SPIN1: variants seen among roughly 807,000 people sequenced by gnomAD.
The protein encoded by SPIN1 is spindlin 1.
Under a neutral mutation model 26.0 loss-of-function variants are expected in SPIN1, and 3 were observed. That is an observed-to-expected ratio of 0.12 (90% CI 0.05 to 0.30). SPIN1 has a LOEUF of 0.30. Among genes scored for constraint, SPIN1 ranks in the 10% least tolerant of loss-of-function variants. The probability of loss-of-function intolerance (pLI) is 1.00; values close to 1 mark genes in which losing one functional copy is unlikely to be tolerated. For missense variants in SPIN1, 126 were observed against 333.4 expected, an observed-to-expected ratio of 0.38 and a Z score of 4.84; for synonymous variants, 101 against 116.5, an observed-to-expected ratio of 0.87 and a Z score of 0.86.
At position 88,439,504 on chromosome 9, in the gene SPIN1, A is replaced by G. The variant is rs192270849; in HGVS notation, c.53-9437A>G. Among the ~76,000 whole-genome samples, 3 of 152,350 alleles carry G rather than the reference A, an allele frequency of 2.0e-5. No homozygotes were observed. In the East Asian group the frequency reaches 5.8e-4, roughly 29 times the overall value. ...AATTTTGTGTTTAAACTTGGGTCCC[A>G]TTCCCAAGATACCTCATTTTATACG... On this transcript the variant is annotated intron_variant, in intron 2 of 5. Transcript: ENST00000375859.
rs367969599 is a variant in SPIN1 at position 88,420,544 on chromosome 9, C to A, written c.-158-5838C>A. Among the ~76,000 whole-genome samples the A allele has an allele frequency of 1.3e-3, 192 of 152,328 alleles. 5 individuals are homozygous for A. In the South Asian group the frequency reaches 0.036, roughly 29 times the overall value. ...GAAAACAAATTTAACAGGATTGCCACATTTTCCATACAAGGTTGGTTTATG... is the reference window on the plus strand; with the variant it reads ...GAAAACAAATTTAACAGGATTGCCAAATTTTCCATACAAGGTTGGTTTATG... On this transcript the variant is annotated intron_variant, in intron 1 of 5. Coordinates refer to ENST00000375859, the MANE Select transcript of SPIN1 (RefSeq NM_006717.3).
intron 2 of SPIN1, among the ~76,000 whole-genome samples, chr9:88,431,086 T>C (rs1827859343): frequency 6.6e-6 from 1 of 152,036 alleles, no homozygotes; most frequent in Non-Finnish European, 1.5e-5. Context: ...GGTTTTTCCA[T>C]GTTGGTCAGG....
chr9:88,464,539 T>A (rs1298582645), intron 4 of SPIN1, among the ~76,000 whole-genome samples: 3 of 152,198 alleles, frequency 2.0e-5, no homozygotes, highest in African/African-American at 7.2e-5. Flanking sequence ...TTCAGGAGAT[T>A]TGCAAGGTCA....
At chr9:88,458,800 G>A (rs1828523574) in intron 3 of SPIN1, among the ~76,000 whole-genome samples, 1 of 152,156 alleles carries the variant, frequency 6.6e-6, no homozygotes, top group Non-Finnish European at 1.5e-5. Flanking sequence ...GGGAAGAGTT[G>A]AAGCTGCAGC....
At position 88,409,686 on chromosome 9, in the gene SPIN1, A is replaced by T. The variant is rs181841863; in HGVS notation, c.-158-16696A>T. Among the ~76,000 whole-genome samples, 80 of 152,062 alleles carry T rather than the reference A, an allele frequency of 5.3e-4. No individual in the cohort carries two copies. In the East Asian group the frequency reaches 0.015, roughly 29 times the overall value. The stretch of plus-strand genomic sequence containing the variant: ...CTGTCTCTACTAAAATACAAAAAAA[A>T]AATTAGCTGGGCATGGTGGCGGGCA... On this transcript the variant is annotated intron_variant, in intron 1 of 5. Transcript: ENST00000375859.
At chr9:88,411,816 A>C (rs193097812) in intron 1 of SPIN1, among the ~76,000 whole-genome samples, 3 of 151,964 alleles carry the variant, frequency 2.0e-5, no homozygotes, top group Non-Finnish European at 4.4e-5. Context: ...TGCCTGGCCT[A>C]TTTTCAACTT....
chr9:88,394,708 GA>G (rs1827014299), intron 1 of SPIN1, among the ~76,000 whole-genome samples: 1 of 151,668 alleles, frequency 6.6e-6, no homozygotes, highest in African/African-American at 2.4e-5. Flanking sequence ...AAGGCCATTT[GA>G]AAAGATTTTC....
intron 2 of SPIN1, among the ~76,000 whole-genome samples, chr9:88,435,741 C>G (rs573984677): frequency 6.6e-6 from 1 of 152,112 alleles, no homozygotes; most frequent in South Asian, 2.1e-4. Flanking sequence ...TCTTACACTT[C>G]TGTTGTGTGG....
chr9:88,449,581 C>G (rs893108754), intron 3 of SPIN1, among the ~76,000 whole-genome samples: 5 of 151,830 alleles, frequency 3.3e-5, no homozygotes, highest in African/African-American at 1.2e-4. Context: ...ACTTTTTTCC[C>G]TAATTTTTTT....
rs1827765871 is a variant in SPIN1 at position 88,426,378 on chromosome 9, A to G, written c.-158-4A>G. ...TAGTAATGAACTGTTTCACTATTTT[A>G]CAGAGTGCTTGTGATTTCACGTATT... On this transcript the variant is annotated splice_polypyrimidine_tract_variant and splice_region_variant and intron_variant, in intron 1 of 5. Coordinates refer to ENST00000375859, the MANE Select transcript of SPIN1 (RefSeq NM_006717.3). 1 of 553,940 alleles carries G rather than the reference A, an allele frequency of 1.8e-6. No homozygotes were observed. Among genetic ancestry groups the G allele is most frequent in the African/African-American group, 1.9e-5 (1 of 52,738 alleles). The allele number at this position is 553,940 out of a possible 1,614,324, so 34.3% of individuals were successfully genotyped here. A position where few individuals can be genotyped will look rare whatever the true frequency, so the allele number is the denominator to read the frequency against.
intron 2 of SPIN1, among the ~76,000 whole-genome samples, chr9:88,434,312 A>C (rs946281090): frequency 1.3e-4 from 20 of 151,454 alleles, no homozygotes; most frequent in Admixed American, 6.6e-4. Context: ...TTATTTTATA[A>C]TTTATAAAAT....
At chr9:88,435,134 G>C (rs1387618125) in intron 2 of SPIN1, among the ~76,000 whole-genome samples, 2 of 151,548 alleles carry the variant, frequency 1.3e-5, no homozygotes, top group South Asian at 2.1e-4. Flanking sequence ...AATTGAGTCA[G>C]ATCTTCAATT....
At chr9:88,466,683 C>T (rs1197259170) in intron 4 of SPIN1, among the ~76,000 whole-genome samples, 2 of 152,112 alleles carry the variant, frequency 1.3e-5, no homozygotes, top group Non-Finnish European at 1.5e-5. Context: ...TTTGATGTAA[C>T]AGAAATAGAA....
At chr9:88,451,584 G>C (rs1828353934) in intron 3 of SPIN1, among the ~76,000 whole-genome samples, 1 of 152,102 alleles carries the variant, frequency 6.6e-6, no homozygotes, top group Non-Finnish European at 1.5e-5. Context: ...TTTGAAATAT[G>C]GAGTCTTGCT....
chr9:88,463,929 T>G (rs1828614938), intron 4 of SPIN1, among the ~76,000 whole-genome samples: 1 of 152,186 alleles, frequency 6.6e-6, no homozygotes, highest in Non-Finnish European at 1.5e-5. Context: ...ATTAAAAATC[T>G]TAACAGCAGA....
chr9:88,424,015 A>G (rs901984041), intron 1 of SPIN1, among the ~76,000 whole-genome samples: 1 of 152,100 alleles, frequency 6.6e-6, no homozygotes, highest in African/African-American at 2.4e-5. Context: ...TGATCTGCCT[A>G]CTTTGGCCTC....
chr9:88,405,479 G>A (rs1219126722), intron 1 of SPIN1, among the ~76,000 whole-genome samples: 3 of 148,084 alleles, frequency 2.0e-5, no homozygotes, highest in East Asian at 2.0e-4. Flanking sequence ...CGCCCACCTC[G>A]CCCTCCCAAA....
At chr9:88,439,028 T>G (rs1828065307) in intron 2 of SPIN1, among the ~76,000 whole-genome samples, 1 of 152,108 alleles carries the variant, frequency 6.6e-6, no homozygotes, top group Admixed American at 6.6e-5. Context: ...AAGGACCCAC[T>G]TCCTGGCCCC....
At chr9:88,471,925 A>C (rs1828797915) in intron 5 of SPIN1, among the ~76,000 whole-genome samples, 1 of 151,804 alleles carries the variant, frequency 6.6e-6, no homozygotes, top group Admixed American at 6.6e-5. Context: ...CCGCCTCCCA[A>C]GGAACTGGGA....
Sources: gnomAD v4.1 joint callset for allele counts (sites outside exome capture counted in the v4.1 genomes callset) on GRCh38, gnomAD v4.1.1 for gene constraint, MANE v1.5 for transcripts, NCBI Gene and HGNC (gene_info 2026-07-23, HGNC 2026-07-21) for gene names.